The following GFRAL variants were observed in gnomAD, a reference collection of about 807,000 sequenced individuals.
GFRAL encodes the protein GDNF family receptor alpha-like.
In GFRAL, 36 loss-of-function variants were observed where a neutral mutation model predicts 45.4. That is an observed-to-expected ratio of 0.79 (90% CI 0.61 to 1.05). The LOEUF (loss-of-function observed/expected upper bound fraction) is 1.05, where lower values mean the gene tolerates loss of function less well. Among genes scored for constraint, GFRAL ranks in the 50% least tolerant of loss-of-function variants. The pLI, the probability that GFRAL is intolerant of heterozygous loss-of-function variation, is 0.00. For synonymous variants in GFRAL, 166 were observed against 154.1 expected, an observed-to-expected ratio of 1.08 and a Z score of -0.57; for missense variants, 507 against 467.5, an observed-to-expected ratio of 1.08 and a Z score of -0.78.
At chr6:55,389,498 A>T (rs1315447670) in intron 6 of GFRAL, among the ~76,000 whole-genome samples, 2 of 152,148 alleles carry the variant, frequency 1.3e-5, no homozygotes, top group Admixed American at 6.5e-5. Context: ...CTCCTGTTGT[A>T]TGTTTACCCT....
chr6:55,374,451 C>A (rs1768497399), intron 6 of GFRAL, among the ~76,000 whole-genome samples: 1 of 152,084 alleles, frequency 6.6e-6, no homozygotes, highest in Non-Finnish European at 1.5e-5. Flanking sequence ...CACTCCTTTC[C>A]TTTACCCACT....
intron 3 of GFRAL, among the ~76,000 whole-genome samples, chr6:55,339,826 C>T (rs1205554547): frequency 6.6e-6 from 1 of 152,142 alleles, no homozygotes; most frequent in Non-Finnish European, 1.5e-5. Context: ...TAAATTGCCA[C>T]TTTTAGCATA....
chr6:55,346,842 C>CCCCCA (rs1554187942), intron 3 of GFRAL, among the ~76,000 whole-genome samples: 1 of 98,192 alleles, frequency 1.0e-5, no homozygotes, highest in African/African-American at 3.6e-5. Context: ...CCCCCCCCCC[C>CCCCCA]AAAAAAAAGA....
At chr6:55,395,238 T>C (rs1028818493) in intron 6 of GFRAL, among the ~76,000 whole-genome samples, 13 of 149,498 alleles carry the variant, frequency 8.7e-5, no homozygotes, top group African/African-American at 3.2e-4. Context: ...AGGGTAGCCA[T>C]AAGTGAGTTA....
intron 6 of GFRAL, among the ~76,000 whole-genome samples, chr6:55,378,316 G>T (rs1768561839): frequency 6.6e-6 from 1 of 152,026 alleles, no homozygotes; most frequent in African/African-American, 2.4e-5. Flanking sequence ...ATTCTAGTTG[G>T]AAAGCATCAC....
At chr6:55,341,330 A>G (rs893494054) in intron 3 of GFRAL, among the ~76,000 whole-genome samples, 4 of 152,322 alleles carry the variant, frequency 2.6e-5, no homozygotes, top group South Asian at 4.1e-4. Context: ...CGAAGCTTCC[A>G]GAGGAACGAT....
intron 6 of GFRAL, among the ~76,000 whole-genome samples, chr6:55,377,181 G>A (rs1768546721): frequency 6.6e-6 from 1 of 151,882 alleles, no homozygotes; most frequent in Admixed American, 6.6e-5. Context: ...TTTAAAAACG[G>A]TCTCCATCTT....
chr6:55,362,159 A>G, intron 6 of GFRAL, among the ~76,000 whole-genome samples: 1 of 151,936 alleles, frequency 6.6e-6, no homozygotes, highest in East Asian at 1.9e-4. Context: ...TTTTCTGGAA[A>G]TAAATTTATG....
intron 2 of GFRAL, among the ~76,000 whole-genome samples, chr6:55,332,711 C>G (rs1767846100): frequency 6.6e-6 from 1 of 151,960 alleles, no homozygotes; most frequent in Admixed American, 6.6e-5. Context: ...CGTGCACCAC[C>G]GTGCCTGGCC....
chr6:55,388,356 G>C (rs944498967), intron 6 of GFRAL, among the ~76,000 whole-genome samples: 1 of 152,184 alleles, frequency 6.6e-6, no homozygotes, highest in African/African-American at 2.4e-5. Context: ...AGTTTTCTCA[G>C]AGGGCGACTC....
In GFRAL at chr6:55,384,857, A is replaced by G. The variant is rs1451120183; in HGVS notation, c.953-14323A>G. Among the ~76,000 whole-genome samples, 3 of 86,210 alleles carry G rather than the reference A, an allele frequency of 3.5e-5. No individual in the cohort carries two copies. In the East Asian group the frequency reaches 7.8e-4, roughly 22 times the overall value. 56.6% of individuals were successfully genotyped at this position (86,210 alleles called of 152,430 possible). Reference sequence around the variant, plus strand: ...CTAGATTTTCCTAGATTTCTCCAAAAAGCAGCAAAAAAAAAAAAAAAAGTC... The same window carrying G: ...CTAGATTTTCCTAGATTTCTCCAAAGAGCAGCAAAAAAAAAAAAAAAAGTC... On this transcript the variant is annotated intron_variant, in intron 6 of 8. Coordinates refer to ENST00000340465, the MANE Select transcript of GFRAL (RefSeq NM_207410.2).
At chr6:55,381,875 C>T (rs940410816) in intron 6 of GFRAL, among the ~76,000 whole-genome samples, 15 of 151,824 alleles carry the variant, frequency 9.9e-5, no homozygotes, top group Admixed American at 6.6e-5. Context: ...TATACATACA[C>T]GTATACATAA....
rs1768117527 is a variant in GFRAL, at chr6:55,351,531, C to A, written c.649C>A (p.Pro217Thr). The A allele has an allele frequency of 6.2e-7, 1 of 1,609,444 alleles. No individual in the cohort carries two copies. The highest frequency in any genetic ancestry group is 1.1e-5 in the South Asian group (1 of 90,994). Reference protein sequence around the residue: ...SKTCAVNMVPPPTCLSVIRSC... With the variant: ...SKTCAVNMVPTPTCLSVIRSC... ...GACATGTGCAGTGAACATGGTTCCA[C>A]CCCCTACTTGCCTCAGTGTAATTCG... Residue 217 changes from proline (P) to threonine (T), a missense_variant, in exon 5 of 9, where the codon CCC becomes ACC. Transcript: ENST00000340465.
intron 3 of GFRAL, among the ~76,000 whole-genome samples, chr6:55,343,205 C>T (rs928467762): frequency 8.5e-5 from 13 of 152,124 alleles, no homozygotes; most frequent in Non-Finnish European, 1.5e-4. Context: ...ACTCTCCACC[C>T]GAAATCAACA....
At chr6:55,369,259 C>A (rs1007286407) in intron 6 of GFRAL, among the ~76,000 whole-genome samples, 1 of 152,210 alleles carries the variant, frequency 6.6e-6, no homozygotes, top group Non-Finnish European at 1.5e-5. Flanking sequence ...TCCCTGACCC[C>A]TTGCGCTTCC....
At chr6:55,367,588 C>T (rs1230007987) in intron 6 of GFRAL, among the ~76,000 whole-genome samples, 2 of 151,170 alleles carry the variant, frequency 1.3e-5, no homozygotes, top group African/African-American at 4.9e-5. Context: ...ACCGGTTGTT[C>T]CTTTCCATGT....
At chr6:55,335,905 T>TTTTATTTTA (rs1438643064) in intron 3 of GFRAL, among the ~76,000 whole-genome samples, 4 of 31,588 alleles carry the variant, frequency 1.3e-4, no homozygotes, top group South Asian at 5.0e-4. Flanking sequence ...CTTTATTTTA[T>TTTTATTTTA]TTTATTTTAT....
chr6:55,337,230 T>C (rs917204821), intron 3 of GFRAL, among the ~76,000 whole-genome samples: 1 of 152,150 alleles, frequency 6.6e-6, no homozygotes, highest in Non-Finnish European at 1.5e-5. Context: ...CATTATTTGA[T>C]TTTTTACTGT....
chr6:55,396,612 C>A (rs908386177), intron 6 of GFRAL, among the ~76,000 whole-genome samples: 1 of 151,742 alleles, frequency 6.6e-6, no homozygotes, highest in African/African-American at 2.4e-5. Flanking sequence ...TCTTCATATT[C>A]TGAATTGATT....
Sources: allele counts gnomAD v4.1 joint callset (sites outside exome capture counted in the v4.1 genomes callset), GRCh38; gene constraint gnomAD v4.1.1; transcripts MANE v1.5; gene names NCBI Gene and HGNC (gene_info 2026-07-23, HGNC 2026-07-21).